Variants in COG5 observed in about 807,000 individuals in gnomAD.
COG5 encodes the protein conserved oligomeric Golgi complex subunit 5.
In COG5, 86 loss-of-function variants were observed where a neutral mutation model predicts 110.4. That is an observed-to-expected ratio of 0.78 (90% confidence interval 0.65 to 0.93). The LOEUF (loss-of-function observed/expected upper bound fraction) is 0.93. Ranked by LOEUF, COG5 falls within the 40% of genes least tolerant of loss-of-function variation. The pLI is 0.00. For synonymous variants in COG5, 360 were observed against 334.6 expected, an observed-to-expected ratio of 1.08 and a Z score of -0.83; for missense variants, 1,077 against 987.0, an observed-to-expected ratio of 1.09 and a Z score of -1.22.
intron 6 of COG5, among the ~76,000 whole-genome samples, chr7:107,508,738 ACAGCCACCGCTGTTCTG>A (rs1218227178): frequency 6.6e-6 from 1 of 152,126 alleles, no homozygotes; most frequent in Non-Finnish European, 1.5e-5. Flanking sequence ...CCACTGTTCT[ACAGCCACCGCTGTTCTG>A]CAGCCACCGC....
chr7:107,304,176 CCA>C (rs1437486824), intron 11 of COG5, among the ~76,000 whole-genome samples: 3 of 152,226 alleles, frequency 2.0e-5, no homozygotes, highest in South Asian at 2.1e-4. Context: ...AAAAGAACCC[CCA>C]CAGTTTCCAA....
At chr7:107,324,857 G>A (rs1312104481) in intron 10 of COG5, among the ~76,000 whole-genome samples, 3 of 152,112 alleles carry the variant, frequency 2.0e-5, no homozygotes, top group African/African-American at 7.2e-5. Flanking sequence ...ATTAATAAAA[G>A]TCTTGGGACA....
chr7:107,460,124 C>A (rs560104658), intron 6 of COG5, among the ~76,000 whole-genome samples: 50 of 152,166 alleles, frequency 3.3e-4, no homozygotes, highest in Non-Finnish European at 5.6e-4. Flanking sequence ...TACACTTGGC[C>A]GAGCACGGTG....
intron 2 of COG5, among the ~76,000 whole-genome samples, chr7:107,554,875 A>G (rs1803193334): frequency 6.6e-6 from 1 of 152,186 alleles, no homozygotes; most frequent in Non-Finnish European, 1.5e-5. Context: ...GTTTCAACAT[A>G]TGAATGTTAG....
At chr7:107,460,927 T>A (rs1795953686) in intron 6 of COG5, among the ~76,000 whole-genome samples, 2 of 152,086 alleles carry the variant, frequency 1.3e-5, no homozygotes, top group South Asian at 4.1e-4. Flanking sequence ...GAATCTATTA[T>A]CTATTAAATT....
chr7:107,335,014 C>T (rs1584692728), intron 10 of COG5, among the ~76,000 whole-genome samples: 1 of 152,052 alleles, frequency 6.6e-6, no homozygotes, highest in Non-Finnish European at 1.5e-5. Context: ...TTATAGGCAA[C>T]ACAAAAATAT....
At chr7:107,460,370 G>A (rs1415792855) in intron 6 of COG5, among the ~76,000 whole-genome samples, 1 of 151,876 alleles carries the variant, frequency 6.6e-6, no homozygotes, top group Non-Finnish European at 1.5e-5. Context: ...ACCACCCTGG[G>A]TGAGAGAGCA....
chr7:107,239,253 C>G (rs1262723707), intron 17 of COG5, among the ~76,000 whole-genome samples: 1 of 152,174 alleles, frequency 6.6e-6, no homozygotes, highest in Non-Finnish European at 1.5e-5. Flanking sequence ...CCTGGCACCT[C>G]TGTCGAAAAT....
chr7:107,460,771 G>A (rs1584853622), intron 6 of COG5, among the ~76,000 whole-genome samples: 1 of 151,926 alleles, frequency 6.6e-6, no homozygotes, highest in South Asian at 2.1e-4. Flanking sequence ...TAATAAAAGG[G>A]AAGATATCTG....
chr7:107,413,330 A>G (rs1792450447), intron 6 of COG5, among the ~76,000 whole-genome samples: 1 of 152,016 alleles, frequency 6.6e-6, no homozygotes, highest in Non-Finnish European at 1.5e-5. Context: ...ATCATATTAT[A>G]TAACCACCAC....
intron 6 of COG5, among the ~76,000 whole-genome samples, chr7:107,466,738 T>C (rs1796317072): frequency 1.3e-5 from 2 of 152,222 alleles, no homozygotes; most frequent in South Asian, 2.1e-4. Flanking sequence ...TAAACCTTTT[T>C]TCTATGGGCT....
rs540710024 is a variant in COG5 at position 107,363,859 on chromosome 7, G to C, written c.836-1439C>G. Among the ~76,000 whole-genome samples the C allele has an allele frequency of 1.4e-3, 215 of 151,912 alleles. 9 individuals are homozygous for C. The South Asian group carries it at 0.043, about 30-fold the overall frequency. The stretch of plus-strand genomic sequence containing the variant: ...AATTCTAGCTACTCGGGAGGCTGAG[G>C]CAGGAGAATTGCTTGAACCCAGGAG... On this transcript the variant is annotated intron_variant, in intron 8 of 21. Transcript: ENST00000297135.
intron 5 of COG5, among the ~76,000 whole-genome samples, chr7:107,541,893 G>A (rs1328143408): frequency 6.7e-6 from 1 of 149,498 alleles, no homozygotes; most frequent in Non-Finnish European, 1.5e-5. Context: ...TGGTGCCACT[G>A]CACTCCAGCC....
At chr7:107,278,116 G>C (rs73187338) in intron 14 of COG5, among the ~76,000 whole-genome samples, 1 of 152,112 alleles carries the variant, frequency 6.6e-6, no homozygotes, top group Non-Finnish European at 1.5e-5. Context: ...AAAGCTGTTC[G>C]ATGTACATTT....
intron 10 of COG5, among the ~76,000 whole-genome samples, chr7:107,327,289 C>T (rs1376760185): frequency 6.6e-6 from 1 of 151,984 alleles, no homozygotes; most frequent in Admixed American, 6.6e-5. Context: ...TGTATAAAAA[C>T]TAACTCAAAA....
At chr7:107,220,366 A>G (rs1799825871) in intron 19 of COG5, among the ~76,000 whole-genome samples, 1 of 152,208 alleles carries the variant, frequency 6.6e-6, no homozygotes, top group South Asian at 2.1e-4. Flanking sequence ...CTAGTCACTT[A>G]GCTACTTGAA....
At chr7:107,374,729 ATTAT>A (rs1562996643) in intron 7 of COG5, among the ~76,000 whole-genome samples, 2 of 152,080 alleles carry the variant, frequency 1.3e-5, no homozygotes. Flanking sequence ...ATATTACAGC[ATTAT>A]TTATAATACA....
chr7:107,289,764 A>G (rs1207955156), intron 12 of COG5, among the ~76,000 whole-genome samples: 1 of 152,196 alleles, frequency 6.6e-6, no homozygotes, highest in African/African-American at 2.4e-5. Context: ...TGTTATACAT[A>G]TTACATCTGT....
chr7:107,504,822 G>A (rs932400335), intron 6 of COG5, among the ~76,000 whole-genome samples: 11 of 152,156 alleles, frequency 7.2e-5, no homozygotes, highest in South Asian at 6.2e-4. Flanking sequence ...GATCTATTGC[G>A]TTCTGTGGCA....
Sources: gnomAD v4.1 joint callset for allele counts (sites outside exome capture counted in the v4.1 genomes callset) on GRCh38, gnomAD v4.1.1 for gene constraint, MANE v1.5 for transcripts, NCBI Gene and HGNC (gene_info 2026-07-23, HGNC 2026-07-21) for gene names.